Variants in FBXL17 observed in about 807,000 individuals in gnomAD.
FBXL17 encodes F-box/LRR-repeat protein 17.
FBXL17 carries 22 observed loss-of-function variants against 66.2 expected under a neutral mutation model. That is an observed-to-expected ratio of 0.33 (90% CI 0.24 to 0.47). The LOEUF (loss-of-function observed/expected upper bound fraction) is 0.47, where lower values mean the gene tolerates loss of function less well. FBXL17 is among the 20% of genes least tolerant of loss of function. The pLI is 1.00. For missense variants in FBXL17, 878 were observed against 948.2 expected, an observed-to-expected ratio of 0.93 and a Z score of 0.97; for synonymous variants, 474 against 400.5, an observed-to-expected ratio of 1.18 and a Z score of -2.19.
intron 4 of FBXL17, among the ~76,000 whole-genome samples, chr5:108,267,795 T>A (rs1757105696): frequency 6.6e-6 from 1 of 152,052 alleles, no homozygotes. Flanking sequence ...CTAGAACTGC[T>A]GTATTTGGTA....
intron 6 of FBXL17, among the ~76,000 whole-genome samples, chr5:108,130,737 A>C (rs983800487): frequency 2.0e-5 from 3 of 152,042 alleles, no homozygotes; most frequent in Non-Finnish European, 4.4e-5. Context: ...ATTGTGTTCT[A>C]ACTGCATAAG....
intron 6 of FBXL17, among the ~76,000 whole-genome samples, chr5:108,183,292 G>A (rs990656423): frequency 4.6e-5 from 7 of 152,040 alleles, no homozygotes; most frequent in African/African-American, 1.7e-4. Flanking sequence ...GCCCGCCTCA[G>A]CCTCCCAAAG....
chr5:108,337,938 G>C (rs900223623), intron 4 of FBXL17, among the ~76,000 whole-genome samples: 11 of 150,900 alleles, frequency 7.3e-5, no homozygotes. Context: ...TAAATTCTTC[G>C]CACAAAAAAG....
At chr5:108,123,557 T>C (rs1750584144) in intron 6 of FBXL17, among the ~76,000 whole-genome samples, 1 of 152,218 alleles carries the variant, frequency 6.6e-6, no homozygotes, top group Admixed American at 6.5e-5. Flanking sequence ...TTAGTAAAGA[T>C]ATCACTGAGT....
intron 6 of FBXL17, among the ~76,000 whole-genome samples, chr5:108,137,126 C>T (rs114142731): frequency 0.011 from 1,653 of 152,144 alleles, 42 homozygotes; most frequent in African/African-American, 0.038. Flanking sequence ...AAATATGTCT[C>T]TTTTAAGATG....
In FBXL17 at chr5:108,250,705, C is replaced by G. The variant is rs185060712; in HGVS notation, c.1507-26477G>C. ...AAAGATACAAAATGAAAAGTTAAAG[C>G]CATCTTTCTCTTACATTCTCCAAAG... On this transcript the variant is annotated intron_variant, in intron 4 of 8. Transcript: ENST00000542267. Among the ~76,000 whole-genome samples, 4 of 152,074 alleles carry G rather than the reference C, an allele frequency of 2.6e-5. No homozygotes were observed. In the East Asian group the frequency reaches 7.7e-4, roughly 29 times the overall value.
rs1561558440 is a variant in FBXL17 at position 108,367,931 on chromosome 5, T to C, written c.1016A>G (p.Asp339Gly). 3.2e-6 allele frequency: 5 copies of C among 1,550,816 alleles called. No homozygotes were observed. The highest frequency in any genetic ancestry group is 4.4e-6 in the Non-Finnish European group (5 of 1,146,414). The stretch of plus-strand genomic sequence containing the variant: ...CAATGATGCGGAAAGGCAACGCTCA[T>C]CCAGTGACAAATTGGAAAATATCTG... Reference protein sequence around the residue: ...LLKIFSNLSLDERCLSASLVC... With the variant: ...LLKIFSNLSLGERCLSASLVC... Residue 339 changes from aspartate to glycine, a missense_variant, in exon 2 of 9, where the codon GAT (aspartate) becomes GGT (glycine). Coordinates refer to ENST00000542267, the MANE Select transcript of FBXL17 (RefSeq NM_001163315.3).
chr5:108,081,010 C>T (rs1748740933), intron 6 of FBXL17, among the ~76,000 whole-genome samples: 1 of 152,080 alleles, frequency 6.6e-6, no homozygotes, highest in Admixed American at 6.5e-5. Context: ...AAAAGACAGC[C>T]TTGTAAGGGC....
chr5:108,016,832 G>T (rs11242659), intron 7 of FBXL17, among the ~76,000 whole-genome samples: 43,635 of 150,170 alleles, frequency 0.29, 7,421 homozygotes, highest in Admixed American at 0.4. Context: ...CAGGCTGGAG[G>T]GCAATGGCAT....
intron 5 of FBXL17, among the ~76,000 whole-genome samples, chr5:108,200,578 G>T (rs998666328): frequency 1.3e-5 from 2 of 151,760 alleles, no homozygotes; most frequent in African/African-American, 4.8e-5. Context: ...CACTGTTAAA[G>T]ATTCAAGATT....
At chr5:108,181,633 G>C (rs1476925233) in intron 6 of FBXL17, among the ~76,000 whole-genome samples, 1 of 152,066 alleles carries the variant, frequency 6.6e-6, no homozygotes, top group East Asian at 1.9e-4. Context: ...ATATATAAAG[G>C]ACTGTGACAA....
At chr5:108,157,533 GA>G (rs1752041773) in intron 6 of FBXL17, among the ~76,000 whole-genome samples, 2 of 150,382 alleles carry the variant, frequency 1.3e-5, no homozygotes, top group African/African-American at 4.9e-5. Context: ...AACAGTTTTA[GA>G]AACAGTCTGT....
intron 7 of FBXL17, among the ~76,000 whole-genome samples, chr5:107,894,794 C>T (rs1749318014): frequency 6.6e-6 from 1 of 151,950 alleles, no homozygotes; most frequent in Non-Finnish European, 1.5e-5. Flanking sequence ...AATAAAGAGA[C>T]TGAATTGCAA....
At position 108,244,226 on chromosome 5, in the gene FBXL17, A is replaced by C. The variant is rs148389647; in HGVS notation, c.1507-19998T>G. 6.6e-3 allele frequency among the ~76,000 whole-genome samples: 998 copies of C among 152,152 alleles called. 9 individuals are homozygous for C. The highest frequency in any genetic ancestry group is 0.023 in the African/African-American group (956 of 41,508). On this transcript the variant is annotated intron_variant, in intron 4 of 8. Coordinates refer to ENST00000542267, the MANE Select transcript of FBXL17 (RefSeq NM_001163315.3). ...CTTCTGAATCCTTTTGCCCATTCTC[A>C]TATCCTTTCTTAACTGGCTGGTCAT...
intron 4 of FBXL17, among the ~76,000 whole-genome samples, chr5:108,256,170 T>G (rs1035115371): frequency 6.6e-6 from 1 of 152,146 alleles, no homozygotes; most frequent in African/African-American, 2.4e-5. Context: ...GATCACAACT[T>G]CCTTGGAAGG....
chr5:108,270,168 TG>T (rs755145342), intron 4 of FBXL17, among the ~76,000 whole-genome samples: 5 of 152,048 alleles, frequency 3.3e-5, no homozygotes, highest in Admixed American at 6.6e-5. Flanking sequence ...ATGCCAGGTA[TG>T]TTGCCATATA....
Position 108,267,013 on chromosome 5 carries a change from C to T in FBXL17, c.1507-42785G>A, listed in dbSNP as rs531285361. Among the ~76,000 whole-genome samples, 8 of 152,022 alleles carry T rather than the reference C, an allele frequency of 5.3e-5. No homozygotes were observed. In the South Asian group the frequency reaches 1.7e-3, roughly 32 times the overall value. On this transcript the variant is annotated intron_variant, in intron 4 of 8. Transcript: ENST00000542267. The stretch of plus-strand genomic sequence containing the variant: ...GCATAATTTTATATTTATTCTATAG[C>T]ATAAGTTGCATTTAATTTTACAAAA...
At chr5:107,906,468 T>C (rs1272221000) in intron 7 of FBXL17, among the ~76,000 whole-genome samples, 1 of 152,174 alleles carries the variant, frequency 6.6e-6, no homozygotes, top group East Asian at 1.9e-4. Flanking sequence ...CTTTCATGTA[T>C]ATTTACCAAC....
rs1750106203 is a variant in FBXL17, at chr5:108,113,172, C to T, written c.1745+72945G>A. On this transcript the variant is annotated intron_variant, in intron 6 of 8. Coordinates refer to ENST00000542267, the MANE Select transcript of FBXL17 (RefSeq NM_001163315.3). ...GGCAGTATTGCAGGGAAGGTATGGG[C>T]AGGGCATCAGAGACATGCATTCCCA... 2.6e-5 allele frequency among the ~76,000 whole-genome samples: 4 copies of T among 152,262 alleles called. No homozygotes were observed. In the South Asian group the frequency reaches 8.3e-4, roughly 32 times the overall value.
Sources: allele counts gnomAD v4.1 joint callset (sites outside exome capture counted in the v4.1 genomes callset), GRCh38; gene constraint gnomAD v4.1.1; transcripts MANE v1.5; gene names NCBI Gene and HGNC (gene_info 2026-07-23, HGNC 2026-07-21).